The following ATG12 variants were observed in gnomAD, a reference collection of about 807,000 sequenced individuals.
ATG12 encodes the protein ubiquitin-like protein ATG12.
ATG12 carries 19 observed loss-of-function variants against 17.6 expected under a neutral mutation model. That is an observed-to-expected ratio of 1.08 (90% confidence interval 0.75 to 1.58). ATG12 has a LOEUF of 1.58. Ranked by LOEUF, ATG12 falls within the 40% of genes most tolerant of loss-of-function variation. ATG12 has a pLI of 0.00. For missense variants in ATG12, 214 were observed against 162.0 expected (o/e 1.32, Z -1.74); for synonymous variants, 75 against 62.4 (o/e 1.20, Z -0.95).
intron 1 of ATG12, chr5:115,840,724 G>A: frequency 5.9e-6 from 7 of 1,190,240 alleles, no homozygotes; most frequent in Non-Finnish European, 7.4e-6. Context: ...GAGTGCTTTA[G>A]AACACGTAAT....
At chr5:115,839,832 T>C (rs1761265677) in intron 1 of ATG12, among the ~76,000 whole-genome samples, 1 of 152,194 alleles carries the variant, frequency 6.6e-6, no homozygotes, top group Admixed American at 6.5e-5. Context: ...TAGGAATAGT[T>C]AGAAACTAAG....
chr5:115,840,550 A>T (rs1047758469), intron 1 of ATG12: 2 of 1,206,502 alleles, frequency 1.7e-6, no homozygotes, highest in African/African-American at 3.2e-5. Flanking sequence ...CACCCGCCTC[A>T]GCCTACCAAA....
At position 115,829,538 on chromosome 5, in the gene ATG12, C is replaced by A. The variant is rs753348291; in HGVS notation, c.*2266G>T. On this transcript the variant is annotated 3_prime_UTR_variant, in exon 4 of 4. Coordinates refer to ENST00000509910, the MANE Select transcript of ATG12 (RefSeq NM_004707.4). ...ACAATATTGCAATATTATACATATA[C>A]TTTGTGTGCCATGGGTCATCTATGC... is the stretch of plus-strand genomic sequence containing the variant. 1.3e-5 allele frequency: 2 copies of A among 152,128 alleles called. No individual in the cohort carries two copies. Among genetic ancestry groups the A allele is most frequent in the Non-Finnish European group, 2.9e-5 (2 of 68,034 alleles). 9.4% of individuals were successfully genotyped at this position (152,128 alleles called of 1,614,324 possible). A position where few individuals can be genotyped will look rare whatever the true frequency, so the allele number is the denominator to read the frequency against.
At chr5:115,837,920 T>C in intron 1 of ATG12, 156 bp from the exon 2 acceptor site, 1 of 640,766 alleles carries the variant, frequency 1.6e-6, no homozygotes, top group Non-Finnish European at 2.4e-6. Flanking sequence ...GTTAGATTCT[T>C]TTCCATCATT....
rs536940080 is a variant in ATG12, at chr5:115,831,422, T to TA, written c.*381dup. The TA allele has an allele frequency of 2.7e-3, 564 of 210,380 alleles. No homozygotes were observed. Among genetic ancestry groups the TA allele is most frequent in the Middle Eastern group, 4.9e-3 (3 of 612 alleles). 13.0% of individuals were successfully genotyped at this position (210,380 alleles called of 1,614,324 possible). A position where few individuals can be genotyped will look rare whatever the true frequency, so the allele number is the denominator to read the frequency against. ...TAAACATAGAGATAAATGTAAACATTAAAAAAAAAGGAACCCTTTAGTATA... is the reference window on the plus strand; with the variant it reads ...TAAACATAGAGATAAATGTAAACATTAAAAAAAAAAGGAACCCTTTAGTATA... On this transcript the variant is annotated 3_prime_UTR_variant, in exon 4 of 4. Coordinates refer to ENST00000509910, the MANE Select transcript of ATG12 (RefSeq NM_004707.4).
intron 1 of ATG12, among the ~76,000 whole-genome samples, chr5:115,839,955 C>G (rs1158774765): frequency 6.6e-6 from 1 of 152,188 alleles, no homozygotes; most frequent in Non-Finnish European, 1.5e-5. Context: ...AGAAAATATG[C>G]CCTCGGGCAA....
chr5:115,832,789 C>A, intron 2 of ATG12, 125 bp from the exon 3 acceptor site: 1 of 866,674 alleles, frequency 1.2e-6, no homozygotes, highest in South Asian at 2.9e-5. Flanking sequence ...CTCTGAACTC[C>A]TAACTTTTCT....
rs1760877174 is a variant in ATG12, at chr5:115,831,715, G to C, written c.*89C>G. 8.2e-7 allele frequency: 1 copy of C among 1,215,346 alleles called. No individual in the cohort carries two copies. Among genetic ancestry groups the C allele is most frequent in the East Asian group, 2.5e-5 (1 of 40,576 alleles). 75.3% of individuals were successfully genotyped at this position (1,215,346 alleles called of 1,614,324 possible). On this transcript the variant is annotated 3_prime_UTR_variant, in exon 4 of 4. Coordinates refer to ENST00000509910, the MANE Select transcript of ATG12 (RefSeq NM_004707.4). ...ATACTAAATAGATCACATCTGTTAAGTCTCTTGCCACAAGCATCAAAACTT... is the reference window on the plus strand; with the variant it reads ...ATACTAAATAGATCACATCTGTTAACTCTCTTGCCACAAGCATCAAAACTT...
At chr5:115,837,024 G>GA (rs987700394) in intron 2 of ATG12, among the ~76,000 whole-genome samples, 47 of 152,202 alleles carry the variant, frequency 3.1e-4, no homozygotes, top group African/African-American at 9.4e-4. Flanking sequence ...AAAACAAACT[G>GA]AAAAAATCCA....
chr5:115,832,301 G>C (rs2112718012), intron 3 of ATG12, among the ~76,000 whole-genome samples: 1 of 152,116 alleles, frequency 6.6e-6, no homozygotes, highest in South Asian at 2.1e-4. Context: ...ATCAAATGTA[G>C]ATAAAGAAAA....
rs970554032 is a variant in ATG12 at position 115,831,519 on chromosome 5, C to T, written c.*285G>A. 2.2e-5 allele frequency: 11 copies of T among 498,668 alleles called. No individual in the cohort carries two copies. The highest frequency in any genetic ancestry group is 2.0e-4 in the African/African-American group (10 of 50,850). The allele number at this position is 498,668 out of a possible 1,614,324, so 30.9% of individuals were successfully genotyped here. A position where few individuals can be genotyped will look rare whatever the true frequency, so the allele number is the denominator to read the frequency against. ...ATGAAGATGTTTATACAGTCTTAGT[C>T]TCCTTTTCAACCTTGGAGGCAGATC... On this transcript the variant is annotated 3_prime_UTR_variant, in exon 4 of 4. Coordinates refer to ENST00000509910, the MANE Select transcript of ATG12 (RefSeq NM_004707.4).
At chr5:115,832,464 A>T in intron 3 of ATG12, 138 bp downstream of exon 3, 1 of 1,032,420 alleles carries the variant, frequency 9.7e-7, no homozygotes, top group South Asian at 3.4e-5. Context: ...AAAATTAAGA[A>T]TGGCATGCCA....
chr5:115,835,653 C>A (rs1245327507), intron 2 of ATG12, among the ~76,000 whole-genome samples: 1 of 152,168 alleles, frequency 6.6e-6, no homozygotes, highest in Non-Finnish European at 1.5e-5. Flanking sequence ...ATTGTCATCA[C>A]GTGCTACAGA....
At chr5:115,840,845 A>T in intron 1 of ATG12, 1 of 1,255,700 alleles carries the variant, frequency 8.0e-7, no homozygotes, top group South Asian at 1.3e-5. Context: ...TTTCTTAAAA[A>T]GGTAACATCT....
intron 3 of ATG12, 26 bp downstream of exon 3, chr5:115,832,576 T>A: frequency 2.3e-6 from 2 of 884,108 alleles, no homozygotes; most frequent in Non-Finnish European, 1.4e-6. Context: ...TCTTTCTTTT[T>A]TTTTTTTTTT....
rs1202867626 is a variant in ATG12 at position 115,828,659 on chromosome 5, CTT to C, written c.*3143_*3144del. On this transcript the variant is annotated 3_prime_UTR_variant, in exon 4 of 4. Transcript: ENST00000509910. ...TCCATTACCTTCTGCTGTACAAAAA[CTT>C]AAACTATACAAAATTTCCTTTGTTT... The C allele has an allele frequency of 6.6e-6, 1 of 152,156 alleles. No individual in the cohort carries two copies. The highest frequency in any genetic ancestry group is 1.5e-5 in the Non-Finnish European group (1 of 67,982). The allele number at this position is 152,156 out of a possible 1,614,324, so 9.4% of individuals were successfully genotyped here.
At chr5:115,837,988 C>A (rs998901496) in intron 1 of ATG12, 8 of 396,546 alleles carry the variant, frequency 2.0e-5, no homozygotes, top group African/African-American at 1.0e-4. Flanking sequence ...TGCCTTTTAT[C>A]TTAACAGGCA....
At chr5:115,836,369 C>A (rs1580569285) in intron 2 of ATG12, among the ~76,000 whole-genome samples, 1 of 152,152 alleles carries the variant, frequency 6.6e-6, no homozygotes, top group East Asian at 1.9e-4. Context: ...TAAACTAATG[C>A]ATTAAATTAC....
chr5:115,840,676 T>C (rs2112736345), intron 1 of ATG12: 3 of 1,210,956 alleles, frequency 2.5e-6, no homozygotes, highest in East Asian at 6.1e-5. Context: ...AGGATGCTTA[T>C]ATGCTGCTTT....
Sources: gnomAD v4.1 joint callset for allele counts (sites outside exome capture counted in the v4.1 genomes callset) on GRCh38, gnomAD v4.1.1 for gene constraint, MANE v1.5 for transcripts, NCBI Gene and HGNC (gene_info 2026-07-23, HGNC 2026-07-21) for gene names.